ZNF23: variants seen among roughly 807,000 people sequenced by gnomAD.
The protein encoded by ZNF23 is kruppel-like zinc finger factor X31.
Under a neutral mutation model 56.2 loss-of-function variants are expected in ZNF23, and 48 were observed. The ratio of observed to expected loss-of-function variants is 0.85; its 90% CI spans 0.68 to 1.09. The LOEUF is 1.09. Among genes scored for constraint, ZNF23 ranks in the 50% least tolerant of loss-of-function variants. The pLI is 0.00. For missense variants in ZNF23, 805 were observed against 811.4 expected, an observed-to-expected ratio of 0.99 and a Z score of 0.10; for synonymous variants, 266 against 283.3, an observed-to-expected ratio of 0.94 and a Z score of 0.61.
At chr16:71,456,142 T>A (rs1442665823) in intron 2 of ZNF23, 1 of 444,488 alleles carries the variant, frequency 2.2e-6, no homozygotes, top group East Asian at 7.0e-5. Context: ...ATGGAAAATT[T>A]GGTTTGCAGG....
intron 2 of ZNF23, among the ~76,000 whole-genome samples, chr16:71,456,503 C>T (rs754839750): frequency 5.3e-5 from 8 of 152,158 alleles, no homozygotes; most frequent in Non-Finnish European, 8.8e-5. Flanking sequence ...GAGCCCTATG[C>T]TGGGGGTGCT....
At chr16:71,457,368 T>C (rs2043273294) in intron 1 of ZNF23, among the ~76,000 whole-genome samples, 2 of 152,100 alleles carry the variant, frequency 1.3e-5, no homozygotes, top group African/African-American at 2.4e-5. Context: ...ATCAAGACCA[T>C]CCTGGCTAAC....
chr16:71,458,394 T>C (rs141481483), intron 1 of ZNF23, among the ~76,000 whole-genome samples: 4 of 152,342 alleles, frequency 2.6e-5, no homozygotes, highest in African/African-American at 7.2e-5. Flanking sequence ...ATTCTTTCCA[T>C]TTCCTCCATA....
rs1296756682 is a variant in ZNF23, at chr16:71,449,247, C to A, written c.907G>T (p.Ala303Ser). The change falls in exon 5 of 5, where the codon GCC (alanine) becomes TCC (serine). Residue 303 changes from alanine (A) to serine (S), a missense_variant. By Grantham distance (99) the Ala-to-Ser change is moderately conservative (BLOSUM62 1). Coordinates refer to ENST00000647773, the MANE Select transcript of ZNF23 (RefSeq NM_001381984.1). ...KPYQCKMCGK[A>S]FSVNGSLSRH... ...CTTAGGCTTCCATTAACACTGAAGG[C>A]CTTCCCACACATCTTACACTGATAG... 6.2e-7 allele frequency: 1 copy of A among 1,614,186 alleles called. No homozygotes were observed. The highest frequency in any genetic ancestry group is 8.5e-7 in the Non-Finnish European group (1 of 1,180,026).
In ZNF23 at chr16:71,454,141, C is replaced by T. The variant is rs780021309; in HGVS notation, c.61G>A (p.Val21Met). 7 of 1,613,758 alleles carry T rather than the reference C, an allele frequency of 4.3e-6. No individual in the cohort carries two copies. The Admixed American group carries it at 1.0e-4, about 23-fold the overall frequency. ...QKSVTFEDVA[V>M]YFTQAEWDGL... The stretch of plus-strand genomic sequence containing the variant: ...TCCCATTCCGCCTGGGTGAAGTACA[C>T]AGCCACGTCCTCAAAGGTCACCGAC... Residue 21 changes from valine to methionine, a missense_variant, in exon 3 of 5, where the codon GTG (valine) becomes ATG (methionine). Transcript: ENST00000647773.
At chr16:71,455,148 C>A (rs2043182158) in intron 2 of ZNF23, among the ~76,000 whole-genome samples, 1 of 152,306 alleles carries the variant, frequency 6.6e-6, no homozygotes, top group Non-Finnish European at 1.5e-5. Context: ...CTTTGTGTGA[C>A]CTTCAACAAG....
In ZNF23 at chr16:71,448,667, C is replaced by G; in HGVS notation, c.1487G>C (p.Cys496Ser). The G allele has an allele frequency of 1.2e-6, 2 of 1,614,238 alleles. No homozygotes were observed. Among genetic ancestry groups the G allele is most frequent in the Non-Finnish European group, 1.7e-6 (2 of 1,180,042 alleles). ...TGEKPYECNE[C>S]GKAFSVNGKL... is the part of the protein sequence containing the mutation. The stretch of plus-strand genomic sequence containing the variant: ...CCCATTAACGCTGAAGGCCTTTCCA[C>G]ACTCATTACACTCATAGGGCTTCTC... Residue 496 changes from cysteine (C) to serine (S), a missense_variant, in exon 5 of 5, where the codon TGT becomes TCT. Transcript: ENST00000647773.
intron 3 of ZNF23, chr16:71,453,708 C>G: frequency 2.0e-6 from 1 of 505,708 alleles, no homozygotes; most frequent in Non-Finnish European, 3.5e-6. Context: ...CCAGAGTACA[C>G]TGAGATCCTT....
chr16:71,459,856 T>TA (rs1046280151), intron 1 of ZNF23, among the ~76,000 whole-genome samples: 3 of 152,192 alleles, frequency 2.0e-5, no homozygotes, highest in South Asian at 2.1e-4. Flanking sequence ...CATGTCCATT[T>TA]AAAAAAATAT....
chr16:71,449,379 T>G lies in ZNF23; in HGVS notation c.775A>C (p.Arg259=). ...AAGGGTTTCTCCCCACTGTGAAGTC[T>G]CTGATGCCAAATTAATTTCTCATTA... ...SINEKLIWHQ[R]LHSGEKPFKC... The change falls in exon 5 of 5, where the codon AGA becomes CGA. Residue 259 remains arginine, a synonymous_variant. Coordinates refer to ENST00000647773, the MANE Select transcript of ZNF23 (RefSeq NM_001381984.1). 6.2e-7 allele frequency: 1 copy of G among 1,614,258 alleles called. No homozygotes were observed. Among genetic ancestry groups the G allele is most frequent in the East Asian group, 2.2e-5 (1 of 44,894 alleles).
rs1596993571 is a variant in ZNF23, at chr16:71,449,066, T to A, written c.1088A>T (p.Asn363Ile). The change falls in exon 5 of 5, where the codon AAT (asparagine) becomes ATT (isoleucine). Residue 363 changes from asparagine (N) to isoleucine (I), a missense_variant. Transcript: ENST00000647773. ...TCTCTGATGTTGAATTAATTTTGCA[T>A]TAACATTGAACGCTTTCCCACAGTC... ...CNDCGKAFNV[N>I]AKLIQHQRIH... 6.2e-7 allele frequency: 1 copy of A among 1,614,220 alleles called. No homozygotes were observed. The highest frequency in any genetic ancestry group is 8.5e-7 in the Non-Finnish European group (1 of 1,180,034).
At position 71,459,296 on chromosome 16, in the gene ZNF23, C is replaced by A. The variant is rs551182559; in HGVS notation, c.-32-2468G>T. Reference sequence around the variant, plus strand: ...GAAACCAATGGATAAATGTTTTCCCCGTCGATCCCCCAGCGGGGCAGCCTT... The same window carrying A: ...GAAACCAATGGATAAATGTTTTCCCAGTCGATCCCCCAGCGGGGCAGCCTT... On this transcript the variant is annotated intron_variant, in intron 1 of 4. Transcript: ENST00000647773. 3.3e-5 allele frequency among the ~76,000 whole-genome samples: 5 copies of A among 152,326 alleles called. No individual in the cohort carries two copies. The South Asian group carries it at 1.0e-3, about 32-fold the overall frequency.
chr16:71,449,982 T>C, intron 4 of ZNF23, 97 bp from the exon 5 acceptor site: 1 of 991,732 alleles, frequency 1.0e-6, no homozygotes, highest in Non-Finnish European at 1.4e-6. Flanking sequence ...AGGGGGCTCC[T>C]TAAAATCACC....
intron 4 of ZNF23, 93 bp downstream of exon 4, chr16:71,453,150 C>T (rs1596998298): frequency 1.2e-6 from 1 of 849,190 alleles, no homozygotes; most frequent in East Asian, 2.7e-5. Context: ...GTATGACTGG[C>T]CAATAAACAC....
chr16:71,458,107 G>C (rs2043306433), intron 1 of ZNF23, among the ~76,000 whole-genome samples: 1 of 152,194 alleles, frequency 6.6e-6, no homozygotes, highest in South Asian at 2.1e-4. Flanking sequence ...CTGGAAGTTA[G>C]GAACCAGGCT....
At position 71,448,389 on chromosome 16, in the gene ZNF23, T is replaced by A. The variant is rs1260847757; in HGVS notation, c.1765A>T (p.Asn589Tyr). The A allele has an allele frequency of 6.2e-7, 1 of 1,614,138 alleles. No homozygotes were observed. The highest frequency in any genetic ancestry group is 1.1e-5 in the South Asian group (1 of 91,080). The part of the protein sequence containing the change: ...ECEKAFSCSS[N>Y]YIVHQRIHTG... Reference sequence around the variant, plus strand: ...TGGATTCTCTGGTGCACAATATAGTTAGAACTACAGCTGAATGCTTTCTCA... The same window carrying A: ...TGGATTCTCTGGTGCACAATATAGTAAGAACTACAGCTGAATGCTTTCTCA... Residue 589 changes from asparagine (N) to tyrosine (Y), a missense_variant, in exon 5 of 5, where the codon AAC (asparagine) becomes TAC (tyrosine). Transcript: ENST00000647773.
chr16:71,448,812 C>G lies in ZNF23; in HGVS notation c.1342G>C (p.Gly448Arg). 6.2e-7 allele frequency: 1 copy of G among 1,614,130 alleles called. No homozygotes were observed. The highest frequency in any genetic ancestry group is 8.5e-7 in the Non-Finnish European group (1 of 1,180,028). The change falls in exon 5 of 5, where the codon GGG (glycine) becomes CGG (arginine). Residue 448 changes from glycine (G) to arginine (R), a missense_variant. Coordinates refer to ENST00000647773, the MANE Select transcript of ZNF23 (RefSeq NM_001381984.1). The part of the protein sequence containing the change: ...TECGKAFSVK[G>R]KLIQHQRIHT... ...ATTCTCTGGTGTTGGATTAACTTCC[C>G]TTTGACACTGAAGGCTTTTCCACAT...
At position 71,449,222 on chromosome 16, in the gene ZNF23, CT is replaced by C. The variant is rs747491358; in HGVS notation, c.931del (p.Ser311ValfsTer56). 40 of 1,613,740 alleles carry C rather than the reference CT, an allele frequency of 2.5e-5. No homozygotes were observed. Among genetic ancestry groups the C allele is most frequent in the Non-Finnish European group, 3.4e-5 (40 of 1,179,954 alleles). ...GKAFSVNGSL[S>X]RHQRIHTGEK... Reference sequence around the variant, plus strand: ...TCCCGTATGGATTCTCTGATGCCTACTTAGGCTTCCATTAACACTGAAGGCC... The same window carrying C: ...TCCCGTATGGATTCTCTGATGCCTACTAGGCTTCCATTAACACTGAAGGCC... On this transcript the variant is annotated frameshift_variant, in exon 5 of 5. Coordinates refer to ENST00000647773, the MANE Select transcript of ZNF23 (RefSeq NM_001381984.1). LOFTEE classifies it high-confidence loss of function.
chr16:71,460,826 C>T (rs1284541221), intron 1 of ZNF23, among the ~76,000 whole-genome samples: 3 of 151,776 alleles, frequency 2.0e-5, no homozygotes, highest in African/African-American at 7.3e-5. Flanking sequence ...ACTAGAGAAA[C>T]TCTCATATGT....
Sources: allele counts gnomAD v4.1 joint callset (sites outside exome capture counted in the v4.1 genomes callset), GRCh38; gene constraint gnomAD v4.1.1; transcripts MANE v1.5; gene names NCBI Gene and HGNC (gene_info 2026-07-23, HGNC 2026-07-21).